CDC23: variants seen among roughly 807,000 people sequenced by gnomAD.
CDC23 encodes cell division cycle protein 23 homolog.
Under a neutral mutation model 81.7 loss-of-function variants are expected in CDC23, and 26 were observed. The ratio of observed to expected loss-of-function variants is 0.32; its 90% confidence interval spans 0.23 to 0.44. CDC23 has a LOEUF of 0.44. CDC23 is among the 20% of genes least tolerant of loss of function. The probability of loss-of-function intolerance (pLI) is 1.00; values close to 1 mark genes in which losing one functional copy is unlikely to be tolerated. For synonymous variants in CDC23, 267 were observed against 270.8 expected, an observed-to-expected ratio of 0.99 and a Z score of 0.14; for missense variants, 519 against 728.0, an observed-to-expected ratio of 0.71 and a Z score of 3.30.
chr5:138,206,741 T>A (rs920974225), intron 2 of CDC23, 57 bp from the exon 3 acceptor site: 1 of 1,506,226 alleles, frequency 6.6e-7, no homozygotes, highest in Non-Finnish European at 9.0e-7. Context: ...AAACTTCAAA[T>A]CTAAAAAGTA....
chr5:138,195,338 T>C lies in CDC23; in HGVS notation c.1013-2681A>G, dbSNP rs557894347. Among the ~76,000 whole-genome samples the C allele has an allele frequency of 1.1e-4, 16 of 150,448 alleles. No individual in the cohort carries two copies. In the South Asian group the frequency reaches 2.9e-3, roughly 27 times the overall value. On this transcript the variant is annotated intron_variant, in intron 9 of 15. Transcript: ENST00000394886. ...GGGCCAGGCGCAGTGGCTCACATTT[T>C]ATTATTCTCCTTTTACAGATGAAGG... is the stretch of plus-strand genomic sequence containing the variant.
In CDC23 at chr5:138,192,642, A is replaced by G. The variant is rs576555641; in HGVS notation, c.1028T>C (p.Leu343Ser). ...TCCVIGNYYS[L>S]RSQHEKAALY... ...GGCTGCTTTCTCATGCTGAGAACGT[A>G]AACTGTAATAATTGCCTGATTAAAA... Residue 343 changes from leucine to serine, a missense_variant, in exon 10 of 16, where the codon TTA becomes TCA. Leu to Ser is a moderately radical substitution (Grantham distance 145). Coordinates refer to ENST00000394886, the MANE Select transcript of CDC23 (RefSeq NM_004661.4). 1.2e-6 allele frequency: 2 copies of G among 1,607,240 alleles called. No individual in the cohort carries two copies. Among genetic ancestry groups the G allele is most frequent in the East Asian group, 2.2e-5 (1 of 44,872 alleles).
rs17234828 is a variant in CDC23, at chr5:138,201,684, G to A, written c.416-236C>T. Among the ~76,000 whole-genome samples, 1,421 of 152,144 alleles carry A rather than the reference G, an allele frequency of 9.3e-3. 11 individuals are homozygous for A. Among genetic ancestry groups the A allele is most frequent in the Admixed American group, 0.027 (409 of 15,268 alleles). Reference sequence around the variant, plus strand: ...CATAGATATTCTCTTTAGCATCAACGAAAGTTACACCTGAAACCTCTAGCA... The same window carrying A: ...CATAGATATTCTCTTTAGCATCAACAAAAGTTACACCTGAAACCTCTAGCA... On this transcript the variant is annotated intron_variant, in intron 4 of 15. Transcript: ENST00000394886.
chr5:138,192,069 T>C lies in CDC23; in HGVS notation c.1287-132A>G, dbSNP rs1218180801. On this transcript the variant is annotated intron_variant, in intron 11 of 15. Transcript: ENST00000394886. ...TAACCTGATGCTCCATATAATAGAT[T>C]ACTTTGTGTTCATAATTATACTATT... 5.5e-6 allele frequency: 5 copies of C among 912,996 alleles called. No individual in the cohort carries two copies. The African/African-American group carries it at 8.4e-5, about 15-fold the overall frequency. The allele number at this position is 912,996 out of a possible 1,614,324, so 56.6% of individuals were successfully genotyped here. A position where few individuals can be genotyped will look rare whatever the true frequency, so the allele number is the denominator to read the frequency against.
intron 9 of CDC23, 93 bp downstream of exon 9, chr5:138,198,106 C>A (rs1211144538): frequency 1.1e-6 from 1 of 952,206 alleles, no homozygotes; most frequent in Non-Finnish European, 1.6e-6. Flanking sequence ...ACTAAAGGCA[C>A]GCACCACCAT....
At chr5:138,195,764 T>TTA (rs1396163611) in intron 9 of CDC23, among the ~76,000 whole-genome samples, 25 of 57,846 alleles carry the variant, frequency 4.3e-4, no homozygotes, top group South Asian at 3.7e-3. Flanking sequence ...TATACATATA[T>TTA]TATATATGTG....
intron 2 of CDC23, among the ~76,000 whole-genome samples, chr5:138,207,494 C>A (rs1755064576): frequency 6.6e-6 from 1 of 152,160 alleles, no homozygotes; most frequent in African/African-American, 2.4e-5. Context: ...TACTGGCATT[C>A]TATTCCTTCT....
At chr5:138,206,343 T>C (rs867869359) in intron 3 of CDC23, 4 of 612,466 alleles carry the variant, frequency 6.5e-6, no homozygotes, top group Middle Eastern at 4.4e-4. Context: ...TTGTTACTTA[T>C]CCTGTTAGTC....
At chr5:138,211,903 T>C (rs1755117259) in intron 2 of CDC23, among the ~76,000 whole-genome samples, 2 of 152,186 alleles carry the variant, frequency 1.3e-5, no homozygotes, top group Admixed American at 1.3e-4. Flanking sequence ...ATGAGACAAA[T>C]ATAAACTGCA....
rs541588637 is a variant in CDC23, at chr5:138,187,782, C to A, written c.*1196G>T. ...CCTTGAAAAGGCATGGCAGTGGAGA[C>A]CAGTAACTAGTATACAGCTTGCCTG... On this transcript the variant is annotated 3_prime_UTR_variant, in exon 16 of 16. Coordinates refer to ENST00000394886, the MANE Select transcript of CDC23 (RefSeq NM_004661.4). The A allele has an allele frequency of 9.1e-5, 18 of 197,642 alleles. No homozygotes were observed. The highest frequency in any genetic ancestry group is 1.6e-4 in the Non-Finnish European group (15 of 94,854). The allele number at this position is 197,642 out of a possible 1,614,324, so 12.2% of individuals were successfully genotyped here. A position where few individuals can be genotyped will look rare whatever the true frequency, so the allele number is the denominator to read the frequency against.
rs1419554331 is a variant in CDC23 at position 138,198,701 on chromosome 5, C to A, written c.736G>T (p.Glu246Ter). The change falls in exon 7 of 16, where the codon GAG becomes TAG. Residue 246 changes from glutamate (E) to a stop codon, truncating the protein, a stop_gained. Coordinates refer to ENST00000394886, the MANE Select transcript of CDC23 (RefSeq NM_004661.4). LOFTEE classifies it high-confidence loss of function. ...AGATTCTGATACTTTTGCAGGGCCT[C>A]CTCTATCAACTGCAACTCTGTGTAT... ...HIYTELQLIE[E>*]ALQKYQNLID... The A allele has an allele frequency of 6.2e-7, 1 of 1,614,094 alleles. No homozygotes were observed. The highest frequency in any genetic ancestry group is 2.2e-5 in the East Asian group (1 of 44,874).
chr5:138,211,416 C>CT, intron 2 of CDC23, among the ~76,000 whole-genome samples: 1 of 152,300 alleles, frequency 6.6e-6, no homozygotes, highest in East Asian at 1.9e-4. Context: ...GGTCCCAGCA[C>CT]TTTGAGAGGC....
rs377479983 is a variant in CDC23, at chr5:138,189,782, G to A, written c.1504-30C>T. 4.8e-5 allele frequency: 78 copies of A among 1,612,914 alleles called. No individual in the cohort carries two copies. The African/African-American group carries it at 9.6e-4, about 20-fold the overall frequency. On this transcript the variant is annotated intron_variant, in intron 14 of 15. Transcript: ENST00000394886. ...AAAGGGAAAGCAAAATTACTGAGGT[G>A]ACAGTAATAATATCAGCAGTACAAT...
Position 138,189,709 on chromosome 5 carries a change from A to G in CDC23, c.1547T>C (p.Leu516Pro). 2 of 1,614,092 alleles carry G rather than the reference A, an allele frequency of 1.2e-6. No homozygotes were observed. Among genetic ancestry groups the G allele is most frequent in the Non-Finnish European group, 1.7e-6 (2 of 1,179,944 alleles). ...HLEESTAFRY[L>P]AQYYFKCKLW... is the part of the protein sequence containing the mutation. ...TTTGCACTTAAAATAGTACTGGGCC[A>G]GATAGCGAAAGGCAGTGCTTTCCTC... Residue 516 changes from leucine to proline, a missense_variant, in exon 15 of 16, where the codon CTG becomes CCG. Physicochemically the swap from Leu to Pro is moderately conservative, Grantham distance 98 (BLOSUM62 -3). Transcript: ENST00000394886.
chr5:138,203,685 G>A (rs1026081103), intron 3 of CDC23, among the ~76,000 whole-genome samples: 6 of 152,050 alleles, frequency 3.9e-5, no homozygotes, highest in African/African-American at 4.8e-5. Context: ...GCCGAGGCAC[G>A]CCAATCACCT....
chr5:138,209,785 T>C (rs1219936606), intron 2 of CDC23, among the ~76,000 whole-genome samples: 4 of 151,200 alleles, frequency 2.6e-5, no homozygotes, highest in Non-Finnish European at 2.9e-5. Flanking sequence ...TATTGGGCCA[T>C]TGCACCCTAG....
Position 138,189,094 on chromosome 5 carries a change from C to T in CDC23, c.1678G>A (p.Gly560Ser), listed in dbSNP as rs1244654549. 1.9e-6 allele frequency: 3 copies of T among 1,614,018 alleles called. No homozygotes were observed. Among genetic ancestry groups the T allele is most frequent in the South Asian group, 2.2e-5 (2 of 91,074 alleles). Residue 560 changes from glycine (G) to serine (S), a missense_variant, in exon 16 of 16, where the codon GGC becomes AGC. Transcript: ENST00000394886. The part of the protein sequence containing the change: ...LRQILQLRNQ[G>S]ETPTTEVPAP... ...GGCACCTCGGTGGTAGGAGTCTCGC[C>T]TTGGTTCCGAAGCTGTAGGATTTGC...
intron 13 of CDC23, 39 bp from the exon 14 acceptor site, chr5:138,189,945 C>A: frequency 6.4e-7 from 1 of 1,569,418 alleles, no homozygotes; most frequent in South Asian, 1.1e-5. Flanking sequence ...AATGATATCC[C>A]AAAGCAACTT....
At chr5:138,196,675 G>A (rs10036450) in intron 9 of CDC23, among the ~76,000 whole-genome samples, 27,428 of 150,824 alleles carry the variant, frequency 0.18, 2,670 homozygotes, top group Middle Eastern at 0.22. Context: ...CCGCCTCCAG[G>A]GTTCACACCA....
Sources: gnomAD v4.1 joint callset for allele counts (sites outside exome capture counted in the v4.1 genomes callset) on GRCh38, gnomAD v4.1.1 for gene constraint, MANE v1.5 for transcripts, NCBI Gene and HGNC (gene_info 2026-07-23, HGNC 2026-07-21) for gene names.